Variants in DIP2C observed in about 807,000 individuals in gnomAD.
DIP2C encodes the protein disco-interacting protein 2 homolog C.
A neutral mutation model predicts 192.4 loss-of-function variants in DIP2C; 33 were observed. The ratio of observed to expected loss-of-function variants is 0.17; its 90% CI spans 0.13 to 0.23. The LOEUF is 0.23. Among genes scored for constraint, DIP2C ranks in the 10% least tolerant of loss-of-function variants. The pLI, the probability that DIP2C is intolerant of heterozygous loss-of-function variation, is 1.00. For missense variants in DIP2C, 1,537 were observed against 2,110.1 expected, an observed-to-expected ratio of 0.73 and a Z score of 5.32; for synonymous variants, 979 against 864.1, an observed-to-expected ratio of 1.13 and a Z score of -2.33.
chr10:653,172 G>A (rs1801436384), intron 1 of DIP2C, among the ~76,000 whole-genome samples: 1 of 152,106 alleles, frequency 6.6e-6, no homozygotes, highest in African/African-American at 2.4e-5. Flanking sequence ...ATGGCAGCCA[G>A]GCACAGTGGC....
intron 1 of DIP2C, among the ~76,000 whole-genome samples, chr10:611,193 T>TCC (rs1390036345): frequency 1.2e-4 from 8 of 66,428 alleles, no homozygotes; most frequent in African/African-American, 1.9e-4. Context: ...CATGGCACCT[T>TCC]CCCCTTCACT....
chr10:432,651 T>G (rs1966875429), intron 4 of DIP2C, among the ~76,000 whole-genome samples: 1 of 152,222 alleles, frequency 6.6e-6, no homozygotes, highest in Admixed American at 6.5e-5. Context: ...ATTTTCTGTT[T>G]TCAATGTGTT....
chr10:652,826 A>T lies in DIP2C; in HGVS notation c.85+36668T>A, dbSNP rs1856029171. On this transcript the variant is annotated intron_variant, in intron 1 of 36. Transcript: ENST00000280886. The surrounding 1 kb of genome is among the most constrained non-coding windows in gnomAD (Gnocchi z 4.5). Reference sequence around the variant, plus strand: ...AACAGAAATGGCACCAGGGCAGATGATGATTTTTTGTACCATTTCTTGACT... The same window carrying T: ...AACAGAAATGGCACCAGGGCAGATGTTGATTTTTTGTACCATTTCTTGACT... Among the ~76,000 whole-genome samples the T allele has an allele frequency of 6.6e-6, 1 of 151,394 alleles. No homozygotes were observed. The highest frequency in any genetic ancestry group is 2.1e-4 in the South Asian group (1 of 4,772).
rs113902874 is a variant in DIP2C at position 584,359 on chromosome 10, A to G, written c.86-97829T>C. On this transcript the variant is annotated intron_variant, in intron 1 of 36. Coordinates refer to ENST00000280886, the MANE Select transcript of DIP2C (RefSeq NM_014974.3). ...GTGTTTTTAGGAAATCAGTTGACAG[A>G]TTCCAAATCTCGGAGCCCACGACCT... 1.6e-4 allele frequency among the ~76,000 whole-genome samples: 25 copies of G among 152,256 alleles called. 1 individual carries two copies. Among genetic ancestry groups the G allele is most frequent in the African/African-American group, 5.8e-4 (24 of 41,530 alleles).
chr10:599,747 T>C (rs1851936103), intron 1 of DIP2C, among the ~76,000 whole-genome samples: 1 of 128,802 alleles, frequency 7.8e-6, no homozygotes, highest in Non-Finnish European at 1.6e-5. Context: ...AACGGGCCCT[T>C]TTTTAAGATT....
chr10:519,951 AC>A (rs1187775023), intron 1 of DIP2C, among the ~76,000 whole-genome samples: 2 of 152,066 alleles, frequency 1.3e-5, no homozygotes, highest in African/African-American at 4.8e-5. Flanking sequence ...CTCCCAAAGA[AC>A]CCTTCTCCGT....
intron 17 of DIP2C, among the ~76,000 whole-genome samples, chr10:371,057 C>A (rs1386218543): frequency 6.6e-6 from 1 of 152,136 alleles, no homozygotes; most frequent in South Asian, 2.1e-4. Context: ...CCGGGCTTTC[C>A]ATTATCCTCC....
chr10:337,967 T>TGC (rs1554823013), intron 29 of DIP2C, among the ~76,000 whole-genome samples: 1 of 150,806 alleles, frequency 6.6e-6, no homozygotes, highest in African/African-American at 2.4e-5. Flanking sequence ...TGTGTGTGTG[T>TGC]GCGTGTGTGT....
rs370077601 is a variant in DIP2C, at chr10:587,564, G to A, written c.86-101034C>T. 6.2e-4 allele frequency among the ~76,000 whole-genome samples: 95 copies of A among 152,316 alleles called. 1 individual carries two copies. Among genetic ancestry groups the A allele is most frequent in the African/African-American group, 2.2e-3 (92 of 41,562 alleles). On this transcript the variant is annotated intron_variant, in intron 1 of 36. Transcript: ENST00000280886. ...TCAAGACATTGATCAATAACAAGTC[G>A]CTTCAGCCCTGACCCTCCTGAAACC...
intron 17 of DIP2C, among the ~76,000 whole-genome samples, chr10:375,405 T>A (rs1388692726): frequency 6.6e-6 from 1 of 152,190 alleles, no homozygotes; most frequent in Non-Finnish European, 1.5e-5. Flanking sequence ...TCTTACAGCC[T>A]ACAGAACTGT....
chr10:500,004 C>T (rs184860950), intron 1 of DIP2C, among the ~76,000 whole-genome samples: 1 of 152,316 alleles, frequency 6.6e-6, no homozygotes, highest in African/African-American at 2.4e-5. Context: ...AGCTCTTGCT[C>T]GGGTGGATTT....
intron 1 of DIP2C, among the ~76,000 whole-genome samples, chr10:634,287 CATTTT>C (rs1854701497): frequency 1.3e-5 from 2 of 152,242 alleles, no homozygotes; most frequent in Admixed American, 1.3e-4. Context: ...TCTCTCCTAA[CATTTT>C]ATTAGCTGAG....
intron 32 of DIP2C, among the ~76,000 whole-genome samples, chr10:290,805 T>C (rs1955453152): frequency 6.6e-6 from 1 of 152,194 alleles, no homozygotes; most frequent in African/African-American, 2.4e-5. Context: ...AACCGAGGGC[T>C]GTTTAGGACA....
At chr10:464,897 A>G (rs1970083518) in intron 3 of DIP2C, among the ~76,000 whole-genome samples, 1 of 151,560 alleles carries the variant, frequency 6.6e-6, no homozygotes, top group Non-Finnish European at 1.5e-5. Context: ...AATAATCAAT[A>G]GTTTACCAAC....
chr10:579,554 C>G (rs909620726), intron 1 of DIP2C, among the ~76,000 whole-genome samples: 1 of 152,028 alleles, frequency 6.6e-6, no homozygotes, highest in Non-Finnish European at 1.5e-5. Flanking sequence ...AGTGTACATA[C>G]ATAGGTACAC....
In DIP2C at chr10:671,673, A is replaced by G. The variant is rs528237473; in HGVS notation, c.85+17821T>C. ...GACGCACGGACGGAGGAAACGTCAC[A>G]GACGCACCGACGGAGGAAACGCCAC... On this transcript the variant is annotated intron_variant, in intron 1 of 36. Coordinates refer to ENST00000280886, the MANE Select transcript of DIP2C (RefSeq NM_014974.3). 3.9e-4 allele frequency among the ~76,000 whole-genome samples: 43 copies of G among 111,438 alleles called. 3 individuals are homozygous for G. Among genetic ancestry groups the G allele is most frequent in the African/African-American group, 1.5e-3 (38 of 25,538 alleles). The allele number at this position is 111,438 out of a possible 152,430, so 73.1% of individuals were successfully genotyped here. A position where few individuals can be genotyped will look rare whatever the true frequency, so the allele number is the denominator to read the frequency against.
At chr10:558,040 T>TTA (rs757007164) in intron 1 of DIP2C, among the ~76,000 whole-genome samples, 71 of 152,216 alleles carry the variant, frequency 4.7e-4, no homozygotes, top group South Asian at 1.2e-3. Context: ...AATAAAATGC[T>TTA]TAAGAAGAGT....
intron 3 of DIP2C, among the ~76,000 whole-genome samples, chr10:451,099 C>A (rs113403784): frequency 6.6e-6 from 1 of 152,154 alleles, no homozygotes; most frequent in Non-Finnish European, 1.5e-5. Flanking sequence ...TGCCTGTGGG[C>A]GGTGACTGGT....
chr10:399,486 T>A (rs897757969), intron 9 of DIP2C, among the ~76,000 whole-genome samples: 3 of 152,216 alleles, frequency 2.0e-5, no homozygotes, highest in African/African-American at 7.2e-5. Context: ...TACCCACACG[T>A]TTCCACATAG....
Sources: allele counts gnomAD v4.1 joint callset (sites outside exome capture counted in the v4.1 genomes callset), GRCh38; gene constraint gnomAD v4.1.1; non-coding constraint Gnocchi (gnomAD v3.1); transcripts MANE v1.5; gene names NCBI Gene and HGNC (gene_info 2026-07-23, HGNC 2026-07-21).